QARS1: variants seen among roughly 807,000 people sequenced by gnomAD.
QARS1 encodes glutaminyl-tRNA synthetase 1, also known as glutamine--tRNA ligase.
In QARS1, 79 loss-of-function variants were observed where a neutral mutation model predicts 106.9. That is an observed-to-expected ratio of 0.74 (90% CI 0.62 to 0.89). The LOEUF (loss-of-function observed/expected upper bound fraction) is 0.89, where lower values mean the gene tolerates loss of function less well. Ranked by LOEUF, QARS1 falls within the 40% of genes least tolerant of loss-of-function variation. The pLI is 0.00. For synonymous variants in QARS1, 395 were observed against 367.7 expected, an observed-to-expected ratio of 1.07 and a Z score of -0.85; for missense variants, 966 against 997.2, an observed-to-expected ratio of 0.97 and a Z score of 0.42.
intron 19 of QARS1, 64 bp downstream of exon 19, chr3:49,098,821 G>GATGAA: frequency 1.3e-6 from 2 of 1,507,516 alleles, no homozygotes; most frequent in Non-Finnish European, 1.8e-6. Flanking sequence ...ACAGAGATGA[G>GATGAA]GAGATGAAAG....
chr3:49,100,755 G>A (rs759509684), intron 10 of QARS1, 81 bp from the exon 11 acceptor site: 1 of 1,185,826 alleles, frequency 8.4e-7, no homozygotes, highest in Admixed American at 1.7e-5. Flanking sequence ...GATATTCACA[G>A]AGCACTCTCA....
At chr3:49,103,491 G>A in intron 4 of QARS1, 82 bp from the exon 5 acceptor site, 2 of 1,588,642 alleles carry the variant, frequency 1.3e-6, no homozygotes, top group Non-Finnish European at 1.7e-6. Flanking sequence ...GGTCCTGGCT[G>A]ACCACCAGAA....
Position 49,098,124 on chromosome 3 carries a change from G to A in QARS1, c.2152-7C>T, listed in dbSNP as rs1293403830. On this transcript the variant is annotated splice_region_variant and splice_polypyrimidine_tract_variant and intron_variant, in intron 22 of 23. Coordinates refer to ENST00000306125, the MANE Select transcript of QARS1 (RefSeq NM_005051.3). ...CCACCACGTGTAGTGATGCCTGCAG[G>A]CAGGGAACTCAGGCAACCATCCAAC... 3 of 1,614,096 alleles carry A rather than the reference G, an allele frequency of 1.9e-6. No homozygotes were observed. Among genetic ancestry groups the A allele is most frequent in the Non-Finnish European group, 2.5e-6 (3 of 1,180,052 alleles).
At position 49,098,465 on chromosome 3, in the gene QARS1, C is replaced by G. The variant is rs748978904; in HGVS notation, c.1972G>C (p.Val658Leu). 4 of 1,614,088 alleles carry G rather than the reference C, an allele frequency of 2.5e-6. No individual in the cohort carries two copies. Among genetic ancestry groups the G allele is most frequent in the Middle Eastern group, 3.3e-4 (2 of 6,084 alleles). The change falls in exon 21 of 24, where the codon GTA (valine) becomes CTA (leucine). Residue 658 changes from valine (V) to leucine (L), a missense_variant. Val to Leu is a conservative substitution (Grantham distance 32). Coordinates refer to ENST00000306125, the MANE Select transcript of QARS1 (RefSeq NM_005051.3). ...QHVVKGPSGC[V>L]ESLEVTCRRA... ...CTGCAGGTCACCTCCAGACTCTCTA[C>G]ACAACCACTGGGGCCCTGGAAGTGG...
chr3:49,098,713 A>G (rs1312625687), intron 19 of QARS1, 21 bp from the exon 20 acceptor site: 2 of 1,569,304 alleles, frequency 1.3e-6, no homozygotes, highest in African/African-American at 1.4e-5. Context: ...GAAGTGGGGT[A>G]GACACATGAG....
chr3:49,101,465 G>T (rs370929072), intron 9 of QARS1, 24 bp from the exon 10 acceptor site: 14 of 1,597,986 alleles, frequency 8.8e-6, no homozygotes, highest in Non-Finnish European at 1.0e-5. Context: ...GATGGGAAAA[G>T]AGAAATAAAG....
Position 49,100,266 on chromosome 3 carries a change from T to G in QARS1, c.1088A>C (p.Glu363Ala). Residue 363 changes from glutamate (E) to alanine (A), a missense_variant, in exon 13 of 24, where the codon GAG becomes GCG. Coordinates refer to ENST00000306125, the MANE Select transcript of QARS1 (RefSeq NM_005051.3). ...GLAYVCHQRG[E>A]ELKGHNTLPS... ...CAGAGTATTATGGCCTTTGAGCTCC[T>G]CTCCTCGCTGGTGGCACACATAAGC... The G allele has an allele frequency of 6.2e-7, 1 of 1,614,216 alleles. No homozygotes were observed. Among genetic ancestry groups the G allele is most frequent in the Non-Finnish European group, 8.5e-7 (1 of 1,180,048 alleles).
At chr3:49,104,143 C>G (rs1446168724) in intron 2 of QARS1, 171 bp from the exon 3 acceptor site, 2 of 1,139,802 alleles carry the variant, frequency 1.8e-6, no homozygotes, top group Middle Eastern at 1.9e-4. Flanking sequence ...AGAGTGGATC[C>G]CCCCTCAGAC....
Position 49,104,483 on chromosome 3 carries a change from G to A in QARS1, c.118-12C>T, listed in dbSNP as rs1057521517. The A allele has an allele frequency of 3.7e-6, 6 of 1,613,410 alleles. No homozygotes were observed. Among genetic ancestry groups the A allele is most frequent in the Non-Finnish European group, 4.2e-6 (5 of 1,179,830 alleles). On this transcript the variant is annotated splice_polypyrimidine_tract_variant and intron_variant, in intron 1 of 23. Coordinates refer to ENST00000306125, the MANE Select transcript of QARS1 (RefSeq NM_005051.3). ...AGGGTCTGCTGAGCCTGAGGTCAGA[G>A]GGGTCAAGAGAGAAGCCCCGCGCTC...
In QARS1 at chr3:49,099,092, ATGT is replaced by A; in HGVS notation, c.1758+15_1758+17del. ...AGCTACACACACACATGTGACACAC[ATGT>A]TGAGGCAGGCCCACCTTGGCAGCAG... On this transcript the variant is annotated intron_variant, in intron 18 of 23. Transcript: ENST00000306125. The A allele has an allele frequency of 6.2e-7, 1 of 1,613,804 alleles. No homozygotes were observed. Among genetic ancestry groups the A allele is most frequent in the Non-Finnish European group, 8.5e-7 (1 of 1,179,974 alleles).
intron 23 of QARS1, among the ~76,000 whole-genome samples, chr3:49,096,857 T>A (rs557657916): frequency 8.2e-6 from 1 of 122,694 alleles, no homozygotes; most frequent in Non-Finnish European, 1.6e-5. Context: ...TGGTAGCATG[T>A]GCCTGTAATC....
Position 49,098,331 on chromosome 3 carries a change from C to A in QARS1, c.2084+22G>T, listed in dbSNP as rs114149286. The A allele has an allele frequency of 8.0e-4, 1,294 of 1,614,216 alleles. 10 individuals carry two copies. The African/African-American group carries it at 0.016, about 20-fold the overall frequency. On this transcript the variant is annotated intron_variant, in intron 21 of 23. Coordinates refer to ENST00000306125, the MANE Select transcript of QARS1 (RefSeq NM_005051.3). Reference sequence around the variant, plus strand: ...GCAATGTGCATCTTGTACCTGCCCCCACCCCAGCTCTGTTCACTCACAGTC... The same window carrying A: ...GCAATGTGCATCTTGTACCTGCCCCAACCCCAGCTCTGTTCACTCACAGTC...
At chr3:49,103,223 G>A in intron 5 of QARS1, 122 bp downstream of exon 5, 2 of 1,031,144 alleles carry the variant, frequency 1.9e-6, no homozygotes, top group South Asian at 1.3e-5. Context: ...CTCCCAAAGT[G>A]CTGGGATCAG....
chr3:49,100,067 C>G lies in QARS1; in HGVS notation c.1189G>C (p.Glu397Gln), dbSNP rs758759632. Residue 397 changes from glutamate (E) to glutamine (Q), a missense_variant, in exon 14 of 24, where the codon GAG (glutamate) becomes CAG (glutamine). Physicochemically the swap from Glu to Gln is conservative, Grantham distance 29. Transcript: ENST00000306125. ...TTCATCCGTAGTGTGGCCTCGCCCT[C>G]TGAAAACTTGCCCTTGCGCATTGCC... is the stretch of plus-strand genomic sequence containing the variant. ...FEAMRKGKFS[E>Q]GEATLRMKLV... is the part of the protein sequence containing the mutation. 50 of 1,614,102 alleles carry G rather than the reference C, an allele frequency of 3.1e-5. No homozygotes were observed. Among genetic ancestry groups the G allele is most frequent in the Middle Eastern group, 1.6e-4 (1 of 6,084 alleles).
chr3:49,099,893 C>T (rs1274551435), intron 14 of QARS1, 40 bp from the exon 15 acceptor site: 2 of 1,614,060 alleles, frequency 1.2e-6, no homozygotes, highest in East Asian at 4.5e-5. Context: ...TCCAGCCCTA[C>T]TCTGCCCTAC....
intron 23 of QARS1, among the ~76,000 whole-genome samples, chr3:49,096,655 C>G (rs546600291): frequency 6.6e-6 from 1 of 151,726 alleles, no homozygotes; most frequent in Admixed American, 6.6e-5. Context: ...AAAAAATTAG[C>G]TGGGAGTGGT....
chr3:49,101,362 T>C lies in QARS1; in HGVS notation c.869A>G (p.Tyr290Cys), dbSNP rs1243944923. The C allele has an allele frequency of 3.1e-6, 5 of 1,612,408 alleles. No individual in the cohort carries two copies. Among genetic ancestry groups the C allele is most frequent in the Non-Finnish European group, 4.2e-6 (5 of 1,178,682 alleles). ...HAKAINFNFG[Y>C]AKANNGICFL... ...CCCTAGACACATGCTTACCTTGGCA[T>C]AGCCAAAGTTGAAATTGATGGCTTT... The change falls in exon 10 of 24, where the codon TAT becomes TGT. Residue 290 changes from tyrosine to cysteine, a missense_variant. Transcript: ENST00000306125.
chr3:49,103,790 G>A, intron 3 of QARS1, 73 bp downstream of exon 3: 1 of 1,596,042 alleles, frequency 6.3e-7, no homozygotes, highest in Non-Finnish European at 8.6e-7. Flanking sequence ...GGGTCTTCCT[G>A]AGGAGGGAAA....
rs532499007 is a variant in QARS1, at chr3:49,101,912, A to G, written c.632-13T>C. On this transcript the variant is annotated splice_polypyrimidine_tract_variant and intron_variant, in intron 7 of 23. Coordinates refer to ENST00000306125, the MANE Select transcript of QARS1 (RefSeq NM_005051.3). ...TCAGCAGTCTCGCCTGTGGGGAACAAAACAAGGAAAACTTGTCCTCTAGAT... is the reference window on the plus strand; with the variant it reads ...TCAGCAGTCTCGCCTGTGGGGAACAGAACAAGGAAAACTTGTCCTCTAGAT... The G allele has an allele frequency of 3.0e-5, 48 of 1,603,716 alleles. No homozygotes were observed. In the South Asian group the frequency reaches 5.1e-4, roughly 17 times the overall value.
Sources: gnomAD v4.1 joint callset for allele counts (sites outside exome capture counted in the v4.1 genomes callset) on GRCh38, gnomAD v4.1.1 for gene constraint, MANE v1.5 for transcripts, NCBI Gene and HGNC (gene_info 2026-07-23, HGNC 2026-07-21) for gene names.